The following CDKL5 variants were observed in gnomAD, a reference collection of about 807,000 sequenced individuals.
The protein encoded by CDKL5 is cyclin-dependent kinase-like 5.
Under a neutral mutation model 61.7 loss-of-function variants are expected in CDKL5, and 8 were observed. The ratio of observed to expected loss-of-function variants is 0.13; its 90% confidence interval spans 0.08 to 0.23. CDKL5 has a LOEUF of 0.23. Among genes scored for constraint, CDKL5 ranks in the 10% least tolerant of loss-of-function variants. The pLI, the probability that CDKL5 is intolerant of heterozygous loss-of-function variation, is 1.00. For synonymous variants in CDKL5, 275 were observed against 272.3 expected (o/e 1.01, Z -0.10); for missense variants, 440 against 734.5 (o/e 0.60, Z 4.63).
At chrX:18,562,502 G>T (rs1464047626) in intron 3 of CDKL5, among the ~76,000 whole-genome samples, 1 of 111,856 alleles carries the variant, frequency 8.9e-6, no homozygotes, top group Non-Finnish European at 1.9e-5. Context: ...AAATTTACTG[G>T]AAGAAAATAT....
intron 1 of CDKL5, among the ~76,000 whole-genome samples, chrX:18,483,482 A>G (rs949752382): frequency 9.0e-6 from 1 of 110,524 alleles, no homozygotes; most frequent in African/African-American, 3.3e-5. Context: ...CAGTGGCACA[A>G]TTTTGGCTCA....
At chrX:18,457,041 C>T (rs1289173276) in intron 1 of CDKL5, among the ~76,000 whole-genome samples, 2 of 109,463 alleles carry the variant, frequency 1.8e-5, no homozygotes, top group African/African-American at 6.6e-5. Context: ...TTCTTGAGGG[C>T]AAGTTGCACC....
intron 1 of CDKL5, among the ~76,000 whole-genome samples, chrX:18,490,506 G>T (rs766282642): frequency 5.4e-5 from 6 of 110,487 alleles, no homozygotes; most frequent in Non-Finnish European, 1.1e-4. Context: ...TGAATCTTCA[G>T]CTTACAAATG....
In CDKL5 at chrX:18,579,635, T is replaced by A. The variant is rs137967555; in HGVS notation, c.283-213T>A. 4.4e-3 allele frequency among the ~76,000 whole-genome samples: 488 copies of A among 110,888 alleles called. 4 individuals carry two copies. The highest frequency in any genetic ancestry group is 0.014 in the African/African-American group (441 of 30,538). ...AAGTATACAGGGTTATTATTTGGGG[T>A]AGCATTAGGGAATAGTAAAAATGGA... is the stretch of plus-strand genomic sequence containing the variant. On this transcript the variant is annotated intron_variant, in intron 5 of 17. Coordinates refer to ENST00000623535, the MANE Select transcript of CDKL5 (RefSeq NM_001323289.2).
At chrX:18,642,112 C>T (rs2147189059), downstream of CDKL5, 2 of 1,211,758 alleles carry the variant, frequency 1.7e-6, no homozygotes, top group East Asian at 3.0e-5. Context: ...GGGGCCGCAG[C>T]AGGTTCTGAA....
chrX:18,504,697 C>G (rs1049265953), intron 1 of CDKL5, among the ~76,000 whole-genome samples: 1 of 110,348 alleles, frequency 9.1e-6, no homozygotes, highest in Non-Finnish European at 1.9e-5. Context: ...TTTGGGAGGC[C>G]GAGACGGGCG....
Position 18,628,661 on chromosome X carries a change from G to C in CDKL5, c.2787G>C (p.Gln929His). Reference sequence around the variant, plus strand: ...CAGAGGGCCCTTCCTACTCTGAACAGCTGGGTGCCAAAAGTGGGCCAAATG... The same window carrying C: ...CAGAGGGCCCTTCCTACTCTGAACACCTGGGTGCCAAAAGTGGGCCAAATG... ...SATEGPSYSE[Q>H]LGAKSGPNGH... is the part of the protein sequence containing the mutation. The change falls in exon 18 of 18, where the codon CAG (glutamine) becomes CAC (histidine). Residue 929 changes from glutamine (Q) to histidine (H), a missense_variant. By Grantham distance (24) the Gln-to-His change is conservative (BLOSUM62 0). Around this residue, in one of 2 missense-constraint regions of CDKL5, gnomAD observed 363 missense variants for 516.3 expected, o/e 0.70. Coordinates refer to ENST00000623535, the MANE Select transcript of CDKL5 (RefSeq NM_001323289.2). 8.3e-7 allele frequency: 1 copy of C among 1,206,715 alleles called. No homozygotes were observed. The highest frequency in any genetic ancestry group is 1.1e-6 in the Non-Finnish European group (1 of 892,628).
chrX:18,565,525 T>C (rs1692014672), intron 4 of CDKL5, among the ~76,000 whole-genome samples: 1 of 111,956 alleles, frequency 8.9e-6, no homozygotes, highest in Non-Finnish European at 1.9e-5. Context: ...AATCTTCATA[T>C]CTAATTAGAA....
At chrX:18,493,637 C>T (rs1922066759) in intron 1 of CDKL5, among the ~76,000 whole-genome samples, 1 of 111,671 alleles carries the variant, frequency 9.0e-6, no homozygotes, top group South Asian at 3.8e-4. Context: ...ACTTCAGTTC[C>T]TTCCATTCCT....
chrX:18,531,851 C>T (rs1157611415), intron 3 of CDKL5, among the ~76,000 whole-genome samples: 3 of 107,756 alleles, frequency 2.8e-5, no homozygotes, highest in South Asian at 4.2e-4. Context: ...GGACTACAGG[C>T]GCCTGCCACC....
chrX:18,636,949 G>A lies in CDKL5; in HGVS notation c.*8192G>A, dbSNP rs770197856. The A allele has an allele frequency of 9.9e-4, 111 of 112,338 alleles. No individual in the cohort carries two copies. The highest frequency in any genetic ancestry group is 3.4e-3 in the African/African-American group (104 of 30,949). 9.3% of individuals were successfully genotyped at this position (112,338 alleles called of 1,213,427 possible). The stretch of plus-strand genomic sequence containing the variant: ...GAAACAAGTCACTGGAGGTCCTCTG[G>A]GGATGCAGCTTAAAAGCCCAGGATC... On this transcript the variant is annotated 3_prime_UTR_variant, in exon 18 of 18. Transcript: ENST00000623535.
intron 3 of CDKL5, among the ~76,000 whole-genome samples, chrX:18,515,685 TA>T (rs1343312418): frequency 2.7e-5 from 3 of 110,963 alleles, no homozygotes; most frequent in Non-Finnish European, 5.7e-5. Context: ...TAATAAAGAA[TA>T]AAAATGGCAG....
At chrX:18,569,550 A>G (rs768171079) in intron 4 of CDKL5, among the ~76,000 whole-genome samples, 1 of 112,150 alleles carries the variant, frequency 8.9e-6, no homozygotes, top group Non-Finnish European at 1.9e-5. Context: ...TCAGATGATA[A>G]TGTATCACTG....
In CDKL5 at chrX:18,628,741, A is replaced by G; in HGVS notation, c.2867A>G (p.Lys956Arg). The change falls in exon 18 of 18, where the codon AAA becomes AGA. Residue 956 changes from lysine to arginine, a missense_variant. Physicochemically the swap from Lys to Arg is conservative, Grantham distance 26 (BLOSUM62 2). Transcript: ENST00000623535. ...RSRMPNLNDL[K>R]ETAL The stretch of plus-strand genomic sequence containing the variant: ...CGAATGCCAAATCTGAATGATTTAA[A>G]AGAGACAGCCTTGTAATTTGTGCTG... 8.9e-7 allele frequency: 1 copy of G among 1,121,157 alleles called. No homozygotes were observed. 92.4% of individuals were successfully genotyped at this position (1,121,157 alleles called of 1,213,427 possible).
At chrX:18,613,609 A>G (rs1374851480) in intron 15 of CDKL5, among the ~76,000 whole-genome samples, 1 of 111,839 alleles carries the variant, frequency 8.9e-6, no homozygotes, top group Non-Finnish European at 1.9e-5. Flanking sequence ...TTTGATGTGC[A>G]TCGTCTCAGT....
intron 1 of CDKL5, among the ~76,000 whole-genome samples, chrX:18,500,209 A>G (rs1922333216): frequency 8.9e-6 from 1 of 111,927 alleles, no homozygotes; most frequent in Non-Finnish European, 1.9e-5. Context: ...GATACATGTT[A>G]TATTTTGATA....
chrX:18,536,510 G>A (rs1466090096), intron 3 of CDKL5, among the ~76,000 whole-genome samples: 1 of 81,321 alleles, frequency 1.2e-5, no homozygotes, highest in Admixed American at 1.9e-4. Context: ...GCAGTGGCGT[G>A]ATTTCCGCTT....
At chrX:18,650,080 T>G in intron 20 of CDKL5, 1 of 320,105 alleles carries the variant, frequency 3.1e-6, no homozygotes. Flanking sequence ...TTCTTGGCAC[T>G]TTGCTCTTCT....
At chrX:18,549,676 G>A (rs931138608) in intron 3 of CDKL5, among the ~76,000 whole-genome samples, 1 of 111,363 alleles carries the variant, frequency 9.0e-6, no homozygotes, top group East Asian at 2.8e-4. Flanking sequence ...AGGAATGTGG[G>A]AAGAACAGGC....
Sources: allele counts gnomAD v4.1 joint callset (sites outside exome capture counted in the v4.1 genomes callset), GRCh38; gene constraint gnomAD v4.1.1; regional missense constraint gnomAD v4.1.1; transcripts MANE v1.5; gene names NCBI Gene and HGNC (gene_info 2026-07-23, HGNC 2026-07-21).